Variants in TLE3 observed in about 807,000 individuals in gnomAD.
The protein encoded by TLE3 is transducin-like enhancer protein 3.
A neutral mutation model predicts 93.0 loss-of-function variants in TLE3; 14 were observed. That is an observed-to-expected ratio of 0.15 (90% CI 0.10 to 0.24). TLE3 has a LOEUF of 0.24. Among genes scored for constraint, TLE3 ranks in the 10% least tolerant of loss-of-function variants. The pLI is 1.00. For missense variants in TLE3, 693 were observed against 1,046.6 expected (o/e 0.66, Z 4.66); for synonymous variants, 451 against 425.0 (o/e 1.06, Z -0.75).
At chr15:70,082,634 G>C (rs548413224) in intron 4 of TLE3, among the ~76,000 whole-genome samples, 1 of 152,328 alleles carries the variant, frequency 6.6e-6, no homozygotes, top group African/African-American at 2.4e-5. Flanking sequence ...GAAGCCTGCT[G>C]AATTCTTTAT....
intron 13 of TLE3, 59 bp from the exon 14 acceptor site, chr15:70,056,433 GCCT>G: frequency 6.6e-7 from 1 of 1,522,984 alleles, no homozygotes; most frequent in Non-Finnish European, 9.0e-7. Flanking sequence ...CCCCACCCCT[GCCT>G]CCTCCACCAC....
At chr15:70,057,963 T>C (rs1934767106) in intron 12 of TLE3, 196 bp downstream of exon 12, 2 of 915,964 alleles carry the variant, frequency 2.2e-6, no homozygotes, top group African/African-American at 1.7e-5. Context: ...GATGCTGCTT[T>C]CATGTCTGGC....
chr15:70,057,311 A>C, intron 13 of TLE3, 148 bp downstream of exon 13: 2 of 960,282 alleles, frequency 2.1e-6, no homozygotes, highest in Non-Finnish European at 3.1e-6. Context: ...GCCAAGTCTC[A>C]ATTGTTTCCG....
intron 16 of TLE3, 155 bp downstream of exon 16, chr15:70,054,283 C>T (rs762714499): frequency 9.2e-6 from 10 of 1,085,146 alleles, no homozygotes; most frequent in Non-Finnish European, 1.3e-5. Context: ...ATAAGGCAGG[C>T]GGAGCTGTCT....
At chr15:70,053,185 A>T (rs761860273) in intron 17 of TLE3, 42 bp downstream of exon 17, 1 of 1,589,084 alleles carries the variant, frequency 6.3e-7, no homozygotes, top group Non-Finnish European at 8.6e-7. Context: ...GAGGGAGGGA[A>T]CACACTGCTC....
chr15:70,072,431 A>G (rs2057233347), intron 6 of TLE3, among the ~76,000 whole-genome samples: 1 of 152,118 alleles, frequency 6.6e-6, no homozygotes, highest in Admixed American at 6.5e-5. Flanking sequence ...TGGGGTGAGG[A>G]GCTGGAAGAG....
At chr15:70,077,141 T>C (rs2057486723) in intron 4 of TLE3, among the ~76,000 whole-genome samples, 1 of 152,186 alleles carries the variant, frequency 6.6e-6, no homozygotes. Flanking sequence ...CTCTGCCTCA[T>C]CTCCCAACAC....
At chr15:70,084,900 G>A (rs935774141) in intron 4 of TLE3, among the ~76,000 whole-genome samples, 1 of 152,214 alleles carries the variant, frequency 6.6e-6, no homozygotes, top group Non-Finnish European at 1.5e-5. Flanking sequence ...CCATGTGCAA[G>A]GTTTTGTGCT....
At chr15:70,096,665 AAACACACACACC>A (rs1243092959) in intron 1 of TLE3, 98 bp downstream of exon 1, 2 of 1,556,514 alleles carry the variant, frequency 1.3e-6, no homozygotes, top group African/African-American at 2.7e-5. Flanking sequence ...GCACACACAC[AAACACACACACC>A]ATAAAGGTAG....
At position 70,097,344 on chromosome 15, in the gene TLE3, G is replaced by A. The variant is rs1412223396; in HGVS notation, c.-546C>T. ...GAGGAAGGAGGCGGGCTACGAGGTG[G>A]TGGCTTGGGGCCGCAGGAGCGCCGG... On this transcript the variant is annotated 5_prime_UTR_variant, in exon 1 of 20. Coordinates refer to ENST00000451782, the MANE Select transcript of TLE3 (RefSeq NM_001105192.3). The A allele has an allele frequency of 1.7e-5, 7 of 403,978 alleles. No individual in the cohort carries two copies. The highest frequency in any genetic ancestry group is 2.1e-4 in the South Asian group (2 of 9,352). The allele number at this position is 403,978 out of a possible 1,614,324, so 25.0% of individuals were successfully genotyped here.
rs2055210831 is a variant in TLE3 at position 70,047,862 on chromosome 15, T to C, written c.*2235A>G. On this transcript the variant is annotated 3_prime_UTR_variant, in exon 20 of 20. Transcript: ENST00000451782. Reference sequence around the variant, plus strand: ...CATTGACAGCTGTACAATACTTTGGTGTTAACCTGTGGTCTTCCTTCACCT... The same window carrying C: ...CATTGACAGCTGTACAATACTTTGGCGTTAACCTGTGGTCTTCCTTCACCT... The C allele has an allele frequency of 6.6e-6, 1 of 152,224 alleles. No individual in the cohort carries two copies. Among genetic ancestry groups the C allele is most frequent in the Non-Finnish European group, 1.5e-5 (1 of 68,048 alleles). The allele number at this position is 152,224 out of a possible 1,614,324, so 9.4% of individuals were successfully genotyped here. A position where few individuals can be genotyped will look rare whatever the true frequency, so the allele number is the denominator to read the frequency against.
At chr15:70,071,924 G>A (rs757252521) in intron 6 of TLE3, among the ~76,000 whole-genome samples, 1 of 152,144 alleles carries the variant, frequency 6.6e-6, no homozygotes, top group Admixed American at 6.5e-5. Context: ...TGCTCTCCTC[G>A]AGGAGGAGAT....
chr15:70,054,827 T>C lies in TLE3; in HGVS notation c.1579-142A>G, dbSNP rs377718489. 1.3e-5 allele frequency: 16 copies of C among 1,274,874 alleles called. 1 individual carries two copies. The Admixed American group carries it at 1.4e-4, about 11-fold the overall frequency. The allele number at this position is 1,274,874 out of a possible 1,614,324, so 79.0% of individuals were successfully genotyped here. On this transcript the variant is annotated intron_variant, in intron 15 of 19. Coordinates refer to ENST00000451782, the MANE Select transcript of TLE3 (RefSeq NM_001105192.3). Reference sequence around the variant, plus strand: ...CCCAGCAGCTGCCAGGCTGTCCCCATTCCTCAAATTCACAACCCTTTGATC... The same window carrying C: ...CCCAGCAGCTGCCAGGCTGTCCCCACTCCTCAAATTCACAACCCTTTGATC...
rs1290504439 is a variant in TLE3, at chr15:70,097,807, C to A, written c.-1009G>T. The A allele has an allele frequency of 1.1e-5, 3 of 276,834 alleles. No individual in the cohort carries two copies. The highest frequency in any genetic ancestry group is 1.7e-5 in the Non-Finnish European group (3 of 173,022). The allele number at this position is 276,834 out of a possible 1,614,324, so 17.1% of individuals were successfully genotyped here. A position where few individuals can be genotyped will look rare whatever the true frequency, so the allele number is the denominator to read the frequency against. ...ACACACACACGCGCGCACGCACACA[C>A]ACACACACCAAAAAAAAAAGTGCCC... On this transcript the variant is annotated 5_prime_UTR_variant, in exon 1 of 20. Coordinates refer to ENST00000451782, the MANE Select transcript of TLE3 (RefSeq NM_001105192.3).
chr15:70,060,361 C>CTAG (rs1016799533), intron 9 of TLE3, among the ~76,000 whole-genome samples, 169 bp downstream of exon 9: 2 of 152,188 alleles, frequency 1.3e-5, no homozygotes, highest in African/African-American at 4.8e-5. Context: ...GAACTTCACC[C>CTAG]TAGCCCTGTT....
chr15:70,070,343 C>A lies in TLE3; in HGVS notation c.373-4125G>T, dbSNP rs142540031. On this transcript the variant is annotated intron_variant, in intron 6 of 19. Transcript: ENST00000451782. ...GTGTAATTGGATTATGCACATCACGCCTTAGGCCTTCGCTAGGTGATTTAA... is the reference window on the plus strand; with the variant it reads ...GTGTAATTGGATTATGCACATCACGACTTAGGCCTTCGCTAGGTGATTTAA... Among the ~76,000 whole-genome samples, 255 of 152,334 alleles carry A rather than the reference C, an allele frequency of 1.7e-3. 5 individuals are homozygous for A. In the East Asian group the frequency reaches 0.045, roughly 27 times the overall value.
chr15:70,088,998 T>C (rs1015291364), intron 4 of TLE3, among the ~76,000 whole-genome samples: 1 of 151,990 alleles, frequency 6.6e-6, no homozygotes, highest in Non-Finnish European at 1.5e-5. Context: ...AGAGGGGCCT[T>C]GGAGATCGCT....
intron 6 of TLE3, among the ~76,000 whole-genome samples, chr15:70,068,973 T>G (rs1013794768): frequency 6.6e-6 from 1 of 152,222 alleles, no homozygotes; most frequent in Non-Finnish European, 1.5e-5. Context: ...AGCCGACCTC[T>G]CTGTGTTGTG....
At chr15:70,063,842 T>A (rs547294601) in intron 8 of TLE3, among the ~76,000 whole-genome samples, 1 of 152,194 alleles carries the variant, frequency 6.6e-6, no homozygotes, top group Non-Finnish European at 1.5e-5. Context: ...CTGCTAGCAC[T>A]TTCTTAAATC....
Sources: allele counts gnomAD v4.1 joint callset (sites outside exome capture counted in the v4.1 genomes callset), GRCh38; gene constraint gnomAD v4.1.1; transcripts MANE v1.5; gene names NCBI Gene and HGNC (gene_info 2026-07-23, HGNC 2026-07-21).